Variants in CLECL1 observed in about 807,000 individuals in gnomAD.
CLECL1 encodes the protein C-type lectin-like domain family 1.
At chr12:9,728,741 AT>A (rs1866411087) in intron 2 of CLECL1, among the ~76,000 whole-genome samples, 2 of 151,946 alleles carry the variant, frequency 1.3e-5, no homozygotes, top group South Asian at 4.1e-4. Context: ...TATAGCCCTA[AT>A]TATGCCATTG....
At chr12:9,720,225 T>G (rs1409356758), downstream of CLECL1, among the ~76,000 whole-genome samples, 12 of 152,100 alleles carry the variant, frequency 7.9e-5, no homozygotes, top group Non-Finnish European at 1.6e-4. Flanking sequence ...CCCAGTTCCC[T>G]AAGGGCAGAG....
chr12:9,731,618 G>A (rs1005641704), intron 1 of CLECL1, among the ~76,000 whole-genome samples: 2 of 152,190 alleles, frequency 1.3e-5, no homozygotes, highest in African/African-American at 4.8e-5. Context: ...AACACCACAC[G>A]TATACAGCAC....
At chr12:9,718,924 T>C (rs1318789193), downstream of CLECL1, 6 of 570,742 alleles carry the variant, frequency 1.1e-5, no homozygotes, top group African/African-American at 1.1e-4. Flanking sequence ...AGCATATTAA[T>C]ACAACTCCTT....
the CLECL1 span, among the ~76,000 whole-genome samples, chr12:9,703,375 GTTATTTATTTATTTAT>G: frequency 3.4e-5 from 5 of 148,054 alleles, no homozygotes; most frequent in Non-Finnish European, 6.0e-5. Context: ...TTTGTGCTAG[GTTATTTATTTATTTAT>G]TTATTTATTT....
At chr12:9,718,598 A>G, downstream of CLECL1, 1 of 564,058 alleles carries the variant, frequency 1.8e-6, no homozygotes, top group South Asian at 2.4e-5. Context: ...TCAGAATGTG[A>G]CTGTATATGG....
chr12:9,721,465 T>G (rs1178047250), downstream of CLECL1, among the ~76,000 whole-genome samples: 1 of 152,222 alleles, frequency 6.6e-6, no homozygotes, highest in Admixed American at 6.5e-5. Flanking sequence ...TTAGGAATGA[T>G]GTGAAGAGGT....
downstream of CLECL1, among the ~76,000 whole-genome samples, chr12:9,712,712 G>A (rs1866208881): frequency 6.6e-6 from 1 of 151,998 alleles, no homozygotes; most frequent in Non-Finnish European, 1.5e-5. Context: ...ACAAATTAAG[G>A]TAATTTCTCT....
downstream of CLECL1, among the ~76,000 whole-genome samples, chr12:9,711,469 T>C (rs2121030789): frequency 1.3e-5 from 2 of 151,994 alleles, no homozygotes; most frequent in Non-Finnish European, 2.9e-5. Context: ...ATTAAGCTTC[T>C]GTGAAAATTT....
At chr12:9,712,346 G>A (rs950643401), downstream of CLECL1, among the ~76,000 whole-genome samples, 8 of 152,158 alleles carry the variant, frequency 5.3e-5, no homozygotes, top group African/African-American at 1.7e-4. Context: ...TCAGTAAAAC[G>A]TGAAGGTTTC....
At chr12:9,723,754 C>T (rs11052710) in intron 3 of CLECL1, among the ~76,000 whole-genome samples, 81,810 of 151,860 alleles carry the variant, frequency 0.54, 22,414 homozygotes, top group African/African-American at 0.63. Flanking sequence ...CTTGTGTGTA[C>T]AATTTTTTTC....
upstream of CLECL1, among the ~76,000 whole-genome samples, chr12:9,733,891 A>G (rs1866485363): frequency 6.6e-6 from 1 of 152,234 alleles, no homozygotes; most frequent in Non-Finnish European, 1.5e-5. Flanking sequence ...TAGTTGATGA[A>G]AAATTTCAAC....
downstream of CLECL1, among the ~76,000 whole-genome samples, chr12:9,710,910 A>G (rs1235171112): frequency 6.6e-6 from 1 of 152,134 alleles, no homozygotes; most frequent in African/African-American, 2.4e-5. Context: ...CCTTGCACTC[A>G]TTCTCCAAGC....
chr12:9,713,796 A>G (rs1250534175), downstream of CLECL1, among the ~76,000 whole-genome samples: 2 of 152,210 alleles, frequency 1.3e-5, no homozygotes, highest in Non-Finnish European at 2.9e-5. Flanking sequence ...GCAGTAAGCA[A>G]GTTCCTATTA....
At chr12:9,720,141 A>T (rs1227768416), downstream of CLECL1, among the ~76,000 whole-genome samples, 2 of 152,034 alleles carry the variant, frequency 1.3e-5, no homozygotes, top group African/African-American at 2.4e-5. Context: ...TCGTTGGTCC[A>T]GTGTGTATTC....
downstream of CLECL1, among the ~76,000 whole-genome samples, chr12:9,714,916 G>C (rs921840379): frequency 6.6e-6 from 1 of 152,130 alleles, no homozygotes; most frequent in Non-Finnish European, 1.5e-5. Context: ...CTGAAATACT[G>C]GTTCTGGAGA....
exon 2 of CLECL1, among the ~76,000 whole-genome samples, chr12:9,729,648 G>A (rs1866422297): frequency 6.6e-6 from 1 of 151,992 alleles, no homozygotes; most frequent in Non-Finnish European, 1.5e-5. Context: ...CACATCCAAC[G>A]TTAAGAACAA....
At chr12:9,713,651 T>A (rs901806182), downstream of CLECL1, among the ~76,000 whole-genome samples, 1 of 152,250 alleles carries the variant, frequency 6.6e-6, no homozygotes, top group Non-Finnish European at 1.5e-5. Context: ...TCACTCTTAT[T>A]TTTGCTACTT....
At chr12:9,702,650 C>G in the CLECL1 span, among the ~76,000 whole-genome samples, 1 of 152,172 alleles carries the variant, frequency 6.6e-6, no homozygotes, top group African/African-American at 2.4e-5. Context: ...TCAAAAGGTA[C>G]ATTAAAATAT....
chr12:9,716,846 G>T, intron 2 of CLECL1: 1 of 833,540 alleles, frequency 1.2e-6, no homozygotes, highest in Non-Finnish European at 1.7e-6. Flanking sequence ...ACTACTGAAT[G>T]GATTATTATG....
Sources: allele counts gnomAD v4.1 joint callset (sites outside exome capture counted in the v4.1 genomes callset), GRCh38; gene constraint gnomAD v4.1.1; transcripts MANE v1.5; gene names NCBI Gene and HGNC (gene_info 2026-07-23, HGNC 2026-07-21).